PPP2R2B: variants seen among roughly 807,000 people sequenced by gnomAD.
PPP2R2B encodes serine/threonine-protein phosphatase 2A 55 kDa regulatory subunit B beta isoform.
Under a neutral mutation model 46.0 loss-of-function variants are expected in PPP2R2B, and 5 were observed. The observed-to-expected ratio is 0.11, with a 90% confidence interval of 0.06 to 0.23. The LOEUF (loss-of-function observed/expected upper bound fraction) is 0.23, where lower values mean the gene tolerates loss of function less well. Among genes scored for constraint, PPP2R2B ranks in the 10% least tolerant of loss-of-function variants. PPP2R2B has a pLI of 1.00. For synonymous variants in PPP2R2B, 215 were observed against 206.7 expected, an observed-to-expected ratio of 1.04 and a Z score of -0.34; for missense variants, 367 against 575.0, an observed-to-expected ratio of 0.64 and a Z score of 3.70.
chr5:146,954,614 TACTC>T (rs1751790352), intron 1 of PPP2R2B, among the ~76,000 whole-genome samples: 1 of 152,002 alleles, frequency 6.6e-6, no homozygotes, highest in Non-Finnish European at 1.5e-5. Context: ...CCAAAACACT[TACTC>T]AGGTAACCAA....
chr5:146,919,013 G>A (rs1763498114), intron 1 of PPP2R2B, among the ~76,000 whole-genome samples: 1 of 152,102 alleles, frequency 6.6e-6, no homozygotes. Context: ...AGTAGACTTT[G>A]AATAAATAAT....
chr5:147,058,698 A>G (rs1182881398), upstream of PPP2R2B, among the ~76,000 whole-genome samples: 2 of 152,226 alleles, frequency 1.3e-5, no homozygotes, highest in African/African-American at 4.8e-5. Flanking sequence ...CAAGAGGCAG[A>G]GAGAACAAAT....
At chr5:146,639,074 C>G (rs1480174174) in intron 6 of PPP2R2B, among the ~76,000 whole-genome samples, 2 of 152,326 alleles carry the variant, frequency 1.3e-5, no homozygotes, top group South Asian at 2.1e-4. Flanking sequence ...GAAACGGATG[C>G]TCCATGTGCA....
chr5:146,817,273 T>G (rs1207327380), intron 2 of PPP2R2B, among the ~76,000 whole-genome samples: 2 of 152,152 alleles, frequency 1.3e-5, no homozygotes, highest in Non-Finnish European at 2.9e-5. Flanking sequence ...AAGGTAAACA[T>G]TCCCAATGTC....
chr5:146,817,340 T>C lies in PPP2R2B; in HGVS notation c.70+60662A>G, dbSNP rs927548362. On this transcript the variant is annotated intron_variant, in intron 2 of 9. Transcript: ENST00000394411. ...TCCCCACTGACTTGGACACCTGGCC[T>C]AGATGCTCACCACTTAGGACAGAGA... Among the ~76,000 whole-genome samples the C allele has an allele frequency of 1.8e-4, 28 of 152,198 alleles. 1 individual carries two copies. Among genetic ancestry groups the C allele is most frequent in the African/African-American group, 6.5e-4 (27 of 41,446 alleles).
At chr5:146,848,789 G>C (rs1485233397) in intron 2 of PPP2R2B, among the ~76,000 whole-genome samples, 1 of 152,158 alleles carries the variant, frequency 6.6e-6, no homozygotes, top group Non-Finnish European at 1.5e-5. Context: ...CCAACTTGCT[G>C]TCTTCCTTGA....
At chr5:147,055,945 G>T in exon 1 of PPP2R2B, 2 of 1,403,556 alleles carry the variant, frequency 1.4e-6, no homozygotes, top group Non-Finnish European at 1.8e-6. Flanking sequence ...TTACATTTCT[G>T]CATGCAGCTC....
chr5:147,001,513 G>A (rs150703007), intron 1 of PPP2R2B, among the ~76,000 whole-genome samples: 310 of 152,148 alleles, frequency 2.0e-3, no homozygotes, highest in African/African-American at 7.2e-3. Flanking sequence ...ACATCTGAAC[G>A]TCAGAGGAAC....
intron 2 of PPP2R2B, among the ~76,000 whole-genome samples, chr5:146,819,410 T>A (rs1185389917): frequency 6.6e-6 from 1 of 152,156 alleles, no homozygotes; most frequent in Non-Finnish European, 1.5e-5. Flanking sequence ...GATGGGAGTA[T>A]GCAGAGAGAG....
intron 1 of PPP2R2B, among the ~76,000 whole-genome samples, chr5:146,947,952 AATGAAGTGGTAGCATAAGCAAAGGC>A (rs1283091059): frequency 6.6e-6 from 1 of 151,632 alleles, no homozygotes; most frequent in East Asian, 2.0e-4. Flanking sequence ...AGGGATTCCT[AATGAAGTGGTAGCATAAGCAAAGGC>A]ATGCACTCAT....
chr5:146,982,665 A>T (rs1753230711), intron 1 of PPP2R2B, among the ~76,000 whole-genome samples: 1 of 151,964 alleles, frequency 6.6e-6, no homozygotes, highest in South Asian at 2.1e-4. Context: ...AGATTTGTCT[A>T]TTTCTCCTTT....
intron 1 of PPP2R2B, among the ~76,000 whole-genome samples, chr5:147,040,499 C>T (rs571932951): frequency 2.0e-5 from 3 of 152,236 alleles, no homozygotes; most frequent in Admixed American, 6.5e-5. Context: ...CAAATGCAAG[C>T]TGGCATAGGG....
intron 2 of PPP2R2B, among the ~76,000 whole-genome samples, chr5:146,845,504 C>T (rs776301881): frequency 1.3e-5 from 2 of 151,984 alleles, no homozygotes; most frequent in Non-Finnish European, 2.9e-5. Flanking sequence ...CCGCCCGCCT[C>T]GGCCTCCTAA....
intron 1 of PPP2R2B, among the ~76,000 whole-genome samples, chr5:147,038,020 T>C (rs1158095615): frequency 2.0e-5 from 3 of 152,180 alleles, no homozygotes; most frequent in Non-Finnish European, 2.9e-5. Flanking sequence ...ATTGCCCTCC[T>C]GGGTCACGGA....
At chr5:146,978,750 C>T (rs1402657631) in intron 1 of PPP2R2B, among the ~76,000 whole-genome samples, 1 of 152,126 alleles carries the variant, frequency 6.6e-6, no homozygotes, top group Non-Finnish European at 1.5e-5. Context: ...AGTACCAGTA[C>T]CATGCTGTTT....
chr5:147,035,734 A>T (rs1756006760), intron 1 of PPP2R2B, among the ~76,000 whole-genome samples: 1 of 152,172 alleles, frequency 6.6e-6, no homozygotes, highest in Non-Finnish European at 1.5e-5. Context: ...TTAGGAAGAT[A>T]AACAACCTCA....
At chr5:146,668,102 A>G (rs1023132233) in intron 5 of PPP2R2B, among the ~76,000 whole-genome samples, 6 of 152,184 alleles carry the variant, frequency 3.9e-5, no homozygotes, top group Non-Finnish European at 8.8e-5. Context: ...GCTGCAGTTA[A>G]CAGAGCTCAT....
intron 2 of PPP2R2B, among the ~76,000 whole-genome samples, chr5:146,717,397 T>G (rs1004161571): frequency 6.6e-6 from 1 of 152,236 alleles, no homozygotes; most frequent in Non-Finnish European, 1.5e-5. Context: ...TCCATAACTA[T>G]TAAATGCGTT....
At chr5:146,626,518 G>C (rs746383197) in intron 7 of PPP2R2B, among the ~76,000 whole-genome samples, 1 of 152,202 alleles carries the variant, frequency 6.6e-6, no homozygotes, top group Non-Finnish European at 1.5e-5. Flanking sequence ...GCCCTCCCTA[G>C]GCTCTAACAG....
Sources: allele counts gnomAD v4.1 joint callset (sites outside exome capture counted in the v4.1 genomes callset), GRCh38; gene constraint gnomAD v4.1.1; transcripts MANE v1.5; gene names NCBI Gene and HGNC (gene_info 2026-07-23, HGNC 2026-07-21).